Variants in SAXO1 observed in about 807,000 individuals in gnomAD.
SAXO1 encodes 4930500O09Rik.
In SAXO1, 21 loss-of-function variants were observed where a neutral mutation model predicts 17.5. That is an observed-to-expected ratio of 1.20 (90% CI 0.85 to 1.72). The LOEUF (loss-of-function observed/expected upper bound fraction) is 1.72, where lower values mean the gene tolerates loss of function less well. Ranked by LOEUF, SAXO1 falls within the 40% of genes most tolerant of loss-of-function variation. The pLI, the probability that SAXO1 is intolerant of heterozygous loss-of-function variation, is 0.00. For missense variants in SAXO1, 843 were observed against 596.0 expected, an observed-to-expected ratio of 1.41 and a Z score of -4.32; for synonymous variants, 274 against 216.5, an observed-to-expected ratio of 1.27 and a Z score of -2.33.
chr9:18,992,704 T>C (rs1029569321), intron 1 of SAXO1, among the ~76,000 whole-genome samples: 3 of 151,946 alleles, frequency 2.0e-5, no homozygotes, highest in African/African-American at 4.8e-5. Context: ...CGTTGGCACA[T>C]TGGAAGAAGA....
At chr9:18,955,939 C>CT (rs33993984) in intron 1 of SAXO1, among the ~76,000 whole-genome samples, 83,874 of 148,920 alleles carry the variant, frequency 0.56, 26,173 homozygotes, top group Non-Finnish European at 0.7. Flanking sequence ...TACTTTTAAA[C>CT]TTTTTTTTTT....
chr9:18,951,225 A>G (rs1213285603), intron 1 of SAXO1, among the ~76,000 whole-genome samples: 2 of 152,156 alleles, frequency 1.3e-5, no homozygotes, highest in African/African-American at 2.4e-5. Flanking sequence ...TTTCCATACC[A>G]TAATAGAGAA....
At chr9:19,019,647 T>C (rs1388928607) in intron 1 of SAXO1, among the ~76,000 whole-genome samples, 1 of 152,148 alleles carries the variant, frequency 6.6e-6, no homozygotes, top group East Asian at 1.9e-4. Context: ...GAGAAATCAC[T>C]TGAGCCAGGG....
chr9:18,955,190 T>C (rs941159116), intron 1 of SAXO1, among the ~76,000 whole-genome samples: 2 of 152,144 alleles, frequency 1.3e-5, no homozygotes, highest in African/African-American at 4.8e-5. Flanking sequence ...CTGGGTGATG[T>C]AGTATCTCTA....
At position 19,018,740 on chromosome 9, in the gene SAXO1, T is replaced by C. The variant is rs142548217; in HGVS notation, c.38+14131A>G. 3.0e-3 allele frequency among the ~76,000 whole-genome samples: 464 copies of C among 152,300 alleles called. 8 individuals carry two copies. In the South Asian group the frequency reaches 0.045, roughly 15 times the overall value. ...CAGAGGCACCAGGTAAAAAGGCAGA[T>C]TCAGTAGGAGCAGTGGTTAGAGACA... On this transcript the variant is annotated intron_variant, in intron 1 of 3. Transcript: ENST00000380534.
At chr9:18,948,703 C>T (rs767598027) in intron 2 of SAXO1, among the ~76,000 whole-genome samples, 2 of 152,090 alleles carry the variant, frequency 1.3e-5, no homozygotes, top group Middle Eastern at 3.2e-3. Flanking sequence ...GGTCTTCCGC[C>T]CCAGACCAAG....
At chr9:19,007,430 A>G (rs1350709909) in intron 1 of SAXO1, among the ~76,000 whole-genome samples, 1 of 152,246 alleles carries the variant, frequency 6.6e-6, no homozygotes, top group East Asian at 1.9e-4. Flanking sequence ...AAGAAGTTCA[A>G]CTTTTTAAAA....
chr9:18,956,022 C>A (rs548777683), intron 1 of SAXO1, among the ~76,000 whole-genome samples: 2 of 151,984 alleles, frequency 1.3e-5, no homozygotes, highest in Non-Finnish European at 2.9e-5. Context: ...TCACTGCAGC[C>A]TCAAAATTCC....
intron 2 of SAXO1, among the ~76,000 whole-genome samples, chr9:18,949,740 G>C (rs994712137): frequency 2.6e-5 from 4 of 152,154 alleles, no homozygotes; most frequent in African/African-American, 9.7e-5. Flanking sequence ...AATTAGAATG[G>C]TTCTGCTTCA....
At chr9:18,961,235 C>A (rs1339391990) in intron 1 of SAXO1, among the ~76,000 whole-genome samples, 2 of 151,558 alleles carry the variant, frequency 1.3e-5, no homozygotes, top group Non-Finnish European at 2.9e-5. Context: ...GGTGCAATGA[C>A]GGCCAGCTAA....
chr9:19,007,407 AT>A, intron 1 of SAXO1, among the ~76,000 whole-genome samples: 1 of 152,324 alleles, frequency 6.6e-6, no homozygotes, highest in African/African-American at 2.4e-5. Flanking sequence ...ATTTTATCAC[AT>A]TTAAAAAAAC....
intron 1 of SAXO1, among the ~76,000 whole-genome samples, chr9:19,003,902 A>C (rs891824699): frequency 6.6e-6 from 1 of 152,248 alleles, no homozygotes; most frequent in African/African-American, 2.4e-5. Flanking sequence ...ATGGGACCTA[A>C]TTAAACTAAA....
intron 2 of SAXO1, 62 bp from the exon 3 acceptor site, chr9:18,941,901 G>C: frequency 6.7e-7 from 1 of 1,482,772 alleles, no homozygotes; most frequent in Non-Finnish European, 9.4e-7. Context: ...TATGTTTTCT[G>C]CTCAACCCAA....
At chr9:18,999,112 C>T (rs187015543) in intron 1 of SAXO1, among the ~76,000 whole-genome samples, 1 of 152,184 alleles carries the variant, frequency 6.6e-6, no homozygotes, top group African/African-American at 2.4e-5. Context: ...ACAATATGAA[C>T]CTTAAATGTA....
intron 1 of SAXO1, among the ~76,000 whole-genome samples, chr9:19,020,446 G>A (rs906821643): frequency 2.0e-5 from 3 of 151,840 alleles, no homozygotes; most frequent in Admixed American, 1.3e-4. Flanking sequence ...CCGCCTCCAA[G>A]GCTCAAGCCA....
chr9:18,937,952 G>C (rs555951978), intron 3 of SAXO1, among the ~76,000 whole-genome samples: 2 of 152,308 alleles, frequency 1.3e-5, no homozygotes, highest in East Asian at 3.9e-4. Flanking sequence ...GGTACCCATA[G>C]GTTAATCTAA....
chr9:18,968,939 T>TA (rs974532648), intron 1 of SAXO1, among the ~76,000 whole-genome samples: 5 of 152,128 alleles, frequency 3.3e-5, no homozygotes, highest in Admixed American at 1.3e-4. Flanking sequence ...TAGGTAGGGG[T>TA]AAAAAACATG....
chr9:18,991,875 T>G lies in SAXO1; in HGVS notation c.39-40938A>C, dbSNP rs548790859. 3.2e-4 allele frequency among the ~76,000 whole-genome samples: 49 copies of G among 152,244 alleles called. No homozygotes were observed. In the South Asian group the frequency reaches 9.8e-3, roughly 30 times the overall value. On this transcript the variant is annotated intron_variant, in intron 1 of 3. Coordinates refer to ENST00000380534, the MANE Select transcript of SAXO1 (RefSeq NM_153707.4). ...GGAGGACTGCTGCTTTACACTAAGA[T>G]TTTGAGACCTTTGGCTACCAAACCC...
intron 1 of SAXO1, among the ~76,000 whole-genome samples, chr9:19,032,318 C>G (rs1401824531): frequency 6.6e-6 from 1 of 152,224 alleles, no homozygotes; most frequent in African/African-American, 2.4e-5. Context: ...TACTGCGCTT[C>G]CACCCAAAGA....
Sources: gnomAD v4.1 joint callset for allele counts (sites outside exome capture counted in the v4.1 genomes callset) on GRCh38, gnomAD v4.1.1 for gene constraint, MANE v1.5 for transcripts, NCBI Gene and HGNC (gene_info 2026-07-23, HGNC 2026-07-21) for gene names.